The following LHFPL3 variants were observed in gnomAD, a reference collection of about 807,000 sequenced individuals.
LHFPL3 encodes the protein LHFPL tetraspan subfamily member 3 protein.
In LHFPL3, 5 loss-of-function variants were observed where a neutral mutation model predicts 19.3. The ratio of observed to expected loss-of-function variants is 0.26; its 90% CI spans 0.14 to 0.54. LHFPL3 has a LOEUF of 0.54. Among genes scored for constraint, LHFPL3 ranks in the 20% least tolerant of loss-of-function variants. LHFPL3 has a pLI of 0.94. For missense variants in LHFPL3, 249 were observed against 307.4 expected (o/e 0.81, Z 1.42); for synonymous variants, 133 against 126.2 (o/e 1.05, Z -0.36).
At chr7:104,876,100 C>A (rs1791933683) in intron 2 of LHFPL3, among the ~76,000 whole-genome samples, 1 of 152,094 alleles carries the variant, frequency 6.6e-6, no homozygotes, top group Admixed American at 6.6e-5. Flanking sequence ...AAACTGGATC[C>A]CTTCCTTGCA....
chr7:104,641,523 A>T (rs1791833749), intron 1 of LHFPL3, among the ~76,000 whole-genome samples: 3 of 152,212 alleles, frequency 2.0e-5, no homozygotes, highest in Non-Finnish European at 2.9e-5. Flanking sequence ...TATACCAGAG[A>T]ATCAGAACAG....
Position 104,349,706 on chromosome 7 carries a change from G to A in LHFPL3, c.445+20482G>A, listed in dbSNP as rs190141410. 3.8e-3 allele frequency among the ~76,000 whole-genome samples: 579 copies of A among 152,206 alleles called. 4 individuals are homozygous for A. Among genetic ancestry groups the A allele is most frequent in the South Asian group, 0.017 (83 of 4,820 alleles). On this transcript the variant is annotated intron_variant, in intron 1 of 2. Coordinates refer to ENST00000424859, the MANE Select transcript of LHFPL3 (RefSeq NM_199000.3). ...CTGCACGTTCTGCACATGTATCCCC[G>A]AACTTAAAGTATAATTTTAAAAAAG...
At chr7:104,544,349 A>T (rs1382435430) in intron 1 of LHFPL3, among the ~76,000 whole-genome samples, 1 of 152,194 alleles carries the variant, frequency 6.6e-6, no homozygotes, top group Non-Finnish European at 1.5e-5. Flanking sequence ...GATATAAGCT[A>T]ACCACTAGCA....
chr7:104,706,157 G>A (rs140163973), intron 1 of LHFPL3, among the ~76,000 whole-genome samples: 111 of 152,132 alleles, frequency 7.3e-4, no homozygotes, highest in African/African-American at 2.4e-3. Context: ...ACTATTTTAT[G>A]AGCCCACAGT....
intron 1 of LHFPL3, among the ~76,000 whole-genome samples, chr7:104,361,317 T>C (rs1289442514): frequency 6.6e-6 from 1 of 152,248 alleles, no homozygotes; most frequent in African/African-American, 2.4e-5. Context: ...ATATTGATTG[T>C]ATTTATAGAT....
At chr7:104,432,225 A>T (rs1215367980) in intron 1 of LHFPL3, among the ~76,000 whole-genome samples, 1 of 152,126 alleles carries the variant, frequency 6.6e-6, no homozygotes, top group East Asian at 1.9e-4. Context: ...TTATGTCAGT[A>T]GTACTTTCTG....
At chr7:104,737,667 T>C (rs1034085576) in intron 2 of LHFPL3, among the ~76,000 whole-genome samples, 6 of 152,232 alleles carry the variant, frequency 3.9e-5, no homozygotes, top group African/African-American at 1.2e-4. Flanking sequence ...TTTTTTGGGA[T>C]AGAATTTTGG....
intron 1 of LHFPL3, among the ~76,000 whole-genome samples, chr7:104,363,777 A>T (rs1265119422): frequency 6.6e-6 from 1 of 152,196 alleles, no homozygotes; most frequent in African/African-American, 2.4e-5. Context: ...TAAAGCTTTC[A>T]CCCAGAGTGA....
intron 1 of LHFPL3, among the ~76,000 whole-genome samples, chr7:104,394,413 C>A (rs968325136): frequency 6.6e-6 from 1 of 151,990 alleles, no homozygotes; most frequent in African/African-American, 2.4e-5. Flanking sequence ...CTTTTGTATA[C>A]CCTTCTAGGT....
At chr7:104,762,531 G>A (rs1015412071) in intron 2 of LHFPL3, among the ~76,000 whole-genome samples, 1 of 152,138 alleles carries the variant, frequency 6.6e-6, no homozygotes, top group African/African-American at 2.4e-5. Flanking sequence ...ACAAGATGGT[G>A]GGGAACTGAG....
At chr7:104,595,775 C>T (rs1412886713) in intron 1 of LHFPL3, among the ~76,000 whole-genome samples, 4 of 152,270 alleles carry the variant, frequency 2.6e-5, no homozygotes, top group Non-Finnish European at 2.9e-5. Context: ...ATGGCAGACG[C>T]CCCTCCCCCA....
At chr7:104,839,622 T>G (rs946224558) in intron 2 of LHFPL3, among the ~76,000 whole-genome samples, 1 of 151,946 alleles carries the variant, frequency 6.6e-6, no homozygotes, top group Non-Finnish European at 1.5e-5. Flanking sequence ...TGAGCCAAGA[T>G]CGTGCCACTG....
At chr7:104,868,564 T>C (rs1225556722) in intron 2 of LHFPL3, among the ~76,000 whole-genome samples, 1 of 151,978 alleles carries the variant, frequency 6.6e-6, no homozygotes, top group Non-Finnish European at 1.5e-5. Context: ...CACGGCTCAA[T>C]GAAATAAAAG....
chr7:104,556,143 C>T (rs1350870514), intron 1 of LHFPL3, among the ~76,000 whole-genome samples: 4 of 152,178 alleles, frequency 2.6e-5, no homozygotes, highest in African/African-American at 9.7e-5. Context: ...GCTCATGGTG[C>T]AGGCTGCCAG....
At chr7:104,472,441 A>G (rs1441600479) in intron 1 of LHFPL3, among the ~76,000 whole-genome samples, 1 of 152,182 alleles carries the variant, frequency 6.6e-6, no homozygotes, top group African/African-American at 2.4e-5. Context: ...ATTTGAAAAT[A>G]TATGCAAACA....
At chr7:104,667,026 G>A (rs983747985) in intron 1 of LHFPL3, among the ~76,000 whole-genome samples, 1 of 152,116 alleles carries the variant, frequency 6.6e-6, no homozygotes, top group Non-Finnish European at 1.5e-5. Context: ...GGAATTGCTA[G>A]GTCACATAGA....
rs563648714 is a variant in LHFPL3 at position 104,407,457 on chromosome 7, G to A, written c.445+78233G>A. ...AGATCACCTGAGGTCATGAGTTTGAGACCAGCATGGCCTACATGGAGAAAC... is the reference window on the plus strand; with the variant it reads ...AGATCACCTGAGGTCATGAGTTTGAAACCAGCATGGCCTACATGGAGAAAC... On this transcript the variant is annotated intron_variant, in intron 1 of 2. Coordinates refer to ENST00000424859, the MANE Select transcript of LHFPL3 (RefSeq NM_199000.3). Among the ~76,000 whole-genome samples the A allele has an allele frequency of 1.3e-4, 20 of 152,286 alleles. No homozygotes were observed. In the East Asian group the frequency reaches 3.1e-3, roughly 24 times the overall value.
intron 2 of LHFPL3, among the ~76,000 whole-genome samples, chr7:104,825,044 C>T (rs540363225): frequency 6.7e-6 from 1 of 149,942 alleles, no homozygotes; most frequent in East Asian, 1.9e-4. Flanking sequence ...TATCCATTTC[C>T]AACAGACATA....
chr7:104,535,025 A>T (rs188147553), intron 1 of LHFPL3, among the ~76,000 whole-genome samples: 6 of 152,190 alleles, frequency 3.9e-5, no homozygotes, highest in Non-Finnish European at 8.8e-5. Context: ...TGGATTTGCC[A>T]AGAAGCTGTA....
Sources: gnomAD v4.1 joint callset for allele counts (sites outside exome capture counted in the v4.1 genomes callset) on GRCh38, gnomAD v4.1.1 for gene constraint, MANE v1.5 for transcripts, NCBI Gene and HGNC (gene_info 2026-07-23, HGNC 2026-07-21) for gene names.